GALNT18: variants seen among roughly 807,000 people sequenced by gnomAD.
GALNT18 encodes GalNAc-transferase 18.
GALNT18 carries 44 observed loss-of-function variants against 69.5 expected under a neutral mutation model. That is an observed-to-expected ratio of 0.63 (90% CI 0.50 to 0.81). The LOEUF (loss-of-function observed/expected upper bound fraction) is 0.81. GALNT18 is among the 40% of genes least tolerant of loss of function. The pLI, the probability that GALNT18 is intolerant of heterozygous loss-of-function variation, is 0.00. For missense variants in GALNT18, 715 were observed against 810.0 expected (o/e 0.88, Z 1.42); for synonymous variants, 364 against 318.2 (o/e 1.14, Z -1.53).
At chr11:11,560,837 C>A (rs575237620) in intron 1 of GALNT18, among the ~76,000 whole-genome samples, 5 of 152,310 alleles carry the variant, frequency 3.3e-5, no homozygotes, top group South Asian at 4.2e-4. Context: ...TTTGAGGAAT[C>A]GCTCTTCTAG....
chr11:11,535,615 G>A (rs1227895035), intron 1 of GALNT18, among the ~76,000 whole-genome samples: 1 of 152,120 alleles, frequency 6.6e-6, no homozygotes, highest in Non-Finnish European at 1.5e-5. Context: ...CCTGTCCCCA[G>A]CCCACAGGCT....
At chr11:11,369,570 C>G (rs548946232) in intron 6 of GALNT18, among the ~76,000 whole-genome samples, 34 of 152,264 alleles carry the variant, frequency 2.2e-4, no homozygotes, top group African/African-American at 7.5e-4. Context: ...ATCACATTCA[C>G]AAGAGGTTAG....
Position 11,430,180 on chromosome 11 carries a change from A to G in GALNT18, c.595+2441T>C, listed in dbSNP as rs988424180. Among the ~76,000 whole-genome samples, 3 of 152,226 alleles carry G rather than the reference A, an allele frequency of 2.0e-5. No homozygotes were observed. Among genetic ancestry groups the G allele is most frequent in the African/African-American group, 7.2e-5 (3 of 41,458 alleles). On this transcript the variant is annotated intron_variant, in intron 3 of 10. Transcript: ENST00000227756. This position sits in a 1 kb window ranked among gnomAD's most constrained non-coding sequence, Gnocchi z 4.9. The stretch of plus-strand genomic sequence containing the variant: ...AATGCTTTTTAAAACAGCGATGTCT[A>G]GAACCCTCTTTGAACTCACTGAACC...
At chr11:11,427,485 C>G (rs182272867) in intron 3 of GALNT18, among the ~76,000 whole-genome samples, 1 of 152,180 alleles carries the variant, frequency 6.6e-6, no homozygotes, top group African/African-American at 2.4e-5. Flanking sequence ...GGAAGACATT[C>G]CGACGGCTCT....
chr11:11,414,229 T>C (rs1854800180), intron 3 of GALNT18, among the ~76,000 whole-genome samples: 1 of 152,220 alleles, frequency 6.6e-6, no homozygotes. Context: ...AAATTATTCA[T>C]TACACAGTAG....
intron 1 of GALNT18, among the ~76,000 whole-genome samples, chr11:11,552,098 T>C (rs1274884100): frequency 6.6e-6 from 1 of 152,222 alleles, no homozygotes. Flanking sequence ...ATGGCTTAGC[T>C]TGGGCTCAGA....
intron 1 of GALNT18, among the ~76,000 whole-genome samples, chr11:11,510,030 A>G (rs557494806): frequency 2.0e-5 from 3 of 152,246 alleles, no homozygotes; most frequent in African/African-American, 7.2e-5. Context: ...GCATCAGAAC[A>G]CTCCAGACAC....
At position 11,540,559 on chromosome 11, in the gene GALNT18, C is replaced by T. The variant is rs921908415; in HGVS notation, c.235+80800G>A. On this transcript the variant is annotated intron_variant, in intron 1 of 10. Coordinates refer to ENST00000227756, the MANE Select transcript of GALNT18 (RefSeq NM_198516.3). The surrounding 1 kb of genome is among the most constrained non-coding windows in gnomAD (Gnocchi z 4.6). ...AATACTGAGGCTGCACTGAGGGGCT[C>T]CCAGAATTAGAGCACCCTTTGACCC... 6.6e-6 allele frequency among the ~76,000 whole-genome samples: 1 copy of T among 152,100 alleles called. No homozygotes were observed. The highest frequency in any genetic ancestry group is 1.5e-5 in the Non-Finnish European group (1 of 68,018).
At chr11:11,599,891 C>CT (rs1224842313) in intron 1 of GALNT18, among the ~76,000 whole-genome samples, 31 of 151,910 alleles carry the variant, frequency 2.0e-4, no homozygotes, top group Admixed American at 2.0e-3. Context: ...ACATACTTAT[C>CT]TTTTTTGTGA....
chr11:11,560,463 G>T (rs576398202), intron 1 of GALNT18, among the ~76,000 whole-genome samples: 1 of 152,312 alleles, frequency 6.6e-6, no homozygotes, highest in South Asian at 2.1e-4. Context: ...TCACCCATTG[G>T]TGCCCAATGT....
chr11:11,363,512 G>T (rs1039434202), intron 6 of GALNT18, among the ~76,000 whole-genome samples: 19 of 152,042 alleles, frequency 1.2e-4, no homozygotes, highest in Non-Finnish European at 2.2e-4. Context: ...GCATTCTGGG[G>T]AATAAAATAA....
At chr11:11,525,264 T>A (rs1361381272) in intron 1 of GALNT18, among the ~76,000 whole-genome samples, 2 of 152,090 alleles carry the variant, frequency 1.3e-5, no homozygotes, top group Non-Finnish European at 1.5e-5. Flanking sequence ...CGCGAATGAC[T>A]GAAAGTTTCC....
chr11:11,411,354 A>G (rs1043806613), intron 3 of GALNT18, among the ~76,000 whole-genome samples: 3 of 152,188 alleles, frequency 2.0e-5, no homozygotes, highest in Non-Finnish European at 4.4e-5. Flanking sequence ...TGAAATCCCC[A>G]GGACAGAGGG....
intron 1 of GALNT18, among the ~76,000 whole-genome samples, chr11:11,525,396 G>A (rs1391308937): frequency 6.6e-6 from 1 of 152,136 alleles, no homozygotes; most frequent in Admixed American, 6.5e-5. Context: ...AGTGCCAGAT[G>A]ATAAGGTCCT....
At chr11:11,288,446 G>A (rs17348858) in intron 10 of GALNT18, among the ~76,000 whole-genome samples, 2,386 of 152,104 alleles carry the variant, frequency 0.016, 32 homozygotes, top group South Asian at 0.027. Flanking sequence ...AGACCAAGTC[G>A]GTCATCCCAG....
At chr11:11,446,258 C>T (rs560017856) in intron 2 of GALNT18, among the ~76,000 whole-genome samples, 9 of 152,334 alleles carry the variant, frequency 5.9e-5, no homozygotes, top group African/African-American at 1.9e-4. Context: ...ATTATCGGCA[C>T]GTCCAGCACT....
At chr11:11,308,833 C>T (rs1428765641) in intron 9 of GALNT18, among the ~76,000 whole-genome samples, 1 of 152,194 alleles carries the variant, frequency 6.6e-6, no homozygotes, top group African/African-American at 2.4e-5. Context: ...TCACACTGGG[C>T]AGCATTCACG....
intron 9 of GALNT18, among the ~76,000 whole-genome samples, chr11:11,316,397 G>A (rs1249896032): frequency 6.6e-6 from 1 of 152,222 alleles, no homozygotes; most frequent in African/African-American, 2.4e-5. Flanking sequence ...TGACGTGAAA[G>A]ATATGGGGGT....
At position 11,540,556 on chromosome 11, in the gene GALNT18, G is replaced by T. The variant is rs1364682923; in HGVS notation, c.235+80803C>A. Among the ~76,000 whole-genome samples, 3 of 152,128 alleles carry T rather than the reference G, an allele frequency of 2.0e-5. No homozygotes were observed. Among genetic ancestry groups the T allele is most frequent in the African/African-American group, 7.2e-5 (3 of 41,428 alleles). On this transcript the variant is annotated intron_variant, in intron 1 of 10. Coordinates refer to ENST00000227756, the MANE Select transcript of GALNT18 (RefSeq NM_198516.3). This position sits in a 1 kb window ranked among gnomAD's most constrained non-coding sequence, Gnocchi z 4.6. ...AGTAATACTGAGGCTGCACTGAGGGGCTCCCAGAATTAGAGCACCCTTTGA... is the reference window on the plus strand; with the variant it reads ...AGTAATACTGAGGCTGCACTGAGGGTCTCCCAGAATTAGAGCACCCTTTGA...
Sources: gnomAD v4.1 joint callset for allele counts (sites outside exome capture counted in the v4.1 genomes callset) on GRCh38, gnomAD v4.1.1 for gene constraint, Gnocchi (gnomAD v3.1) non-coding constraint, MANE v1.5 for transcripts, NCBI Gene and HGNC (gene_info 2026-07-23, HGNC 2026-07-21) for gene names.